The following DSG2 variants were observed in gnomAD, a reference collection of about 807,000 sequenced individuals.
The protein encoded by DSG2 is desmoglein-2.
Under a neutral mutation model 75.6 loss-of-function variants are expected in DSG2, and 45 were observed. That is an observed-to-expected ratio of 0.60 (90% CI 0.47 to 0.76). The LOEUF (loss-of-function observed/expected upper bound fraction) is 0.76. DSG2 is among the 30% of genes least tolerant of loss of function. DSG2 has a pLI of 0.00. For missense variants in DSG2, 1,267 were observed against 1,357.4 expected, an observed-to-expected ratio of 0.93 and a Z score of 1.05; for synonymous variants, 429 against 483.9, an observed-to-expected ratio of 0.89 and a Z score of 1.49.
At chr18:31,508,976 A>G (rs1349094026) in intron 1 of DSG2, among the ~76,000 whole-genome samples, 1 of 152,168 alleles carries the variant, frequency 6.6e-6, no homozygotes, top group Non-Finnish European at 1.5e-5. Context: ...TCTGTGTTTT[A>G]TCAAGGTGAT....
chr18:31,519,634 C>G (rs116554019), intron 2 of DSG2, among the ~76,000 whole-genome samples, 169 bp from the exon 3 acceptor site: 1 of 152,262 alleles, frequency 6.6e-6, no homozygotes, highest in African/African-American at 2.4e-5. Context: ...AGGCCCTATG[C>G]AGTTTGCTAG....
rs1258418780 is a variant in DSG2, at chr18:31,547,893, CTA to C, written c.*1152_*1153del. ...AATTCAGTGCAGCTACATTAACCAA[CTA>C]TGTTCTCTAGTTGAGAACAACTAGG... is the stretch of plus-strand genomic sequence containing the variant. On this transcript the variant is annotated 3_prime_UTR_variant, in exon 15 of 15. Coordinates refer to ENST00000261590, the MANE Select transcript of DSG2 (RefSeq NM_001943.5). The C allele has an allele frequency of 6.6e-6, 1 of 152,136 alleles. No individual in the cohort carries two copies. Among genetic ancestry groups the C allele is most frequent in the Non-Finnish European group, 1.5e-5 (1 of 68,034 alleles). 9.4% of individuals were successfully genotyped at this position (152,136 alleles called of 1,614,324 possible). A position where few individuals can be genotyped will look rare whatever the true frequency, so the allele number is the denominator to read the frequency against.
chr18:31,514,467 C>G (rs2073083094), intron 1 of DSG2, among the ~76,000 whole-genome samples: 1 of 152,096 alleles, frequency 6.6e-6, no homozygotes, highest in Non-Finnish European at 1.5e-5. Flanking sequence ...TGAGTTTCTG[C>G]CTTCGAGATA....
intron 13 of DSG2, 200 bp from the exon 14 acceptor site, chr18:31,542,320 A>C (rs2073273235): frequency 1.6e-6 from 1 of 632,346 alleles, no homozygotes. Context: ...GGTTCTATCC[A>C]CCTATAAAAC....
At chr18:31,536,919 T>C (rs574341644) in intron 11 of DSG2, among the ~76,000 whole-genome samples, 1 of 152,252 alleles carries the variant, frequency 6.6e-6, no homozygotes, top group East Asian at 1.9e-4. Context: ...ACCTAGAACA[T>C]GATAGAAACA....
At chr18:31,510,847 C>A (rs1405181679) in intron 1 of DSG2, among the ~76,000 whole-genome samples, 1 of 152,172 alleles carries the variant, frequency 6.6e-6, no homozygotes, top group Non-Finnish European at 1.5e-5. Context: ...TGACATTTTT[C>A]TGTCACCAAG....
intron 11 of DSG2, among the ~76,000 whole-genome samples, chr18:31,537,512 G>A (rs1006918339): frequency 2.0e-5 from 3 of 151,794 alleles, no homozygotes; most frequent in Non-Finnish European, 4.4e-5. Flanking sequence ...CCAGCTACTC[G>A]GGAGGCTGAG....
chr18:31,501,428 T>C (rs1282302200), intron 1 of DSG2, among the ~76,000 whole-genome samples: 5 of 152,212 alleles, frequency 3.3e-5, no homozygotes, highest in African/African-American at 1.2e-4. Context: ...AACGAAGTGC[T>C]AAAAACTGAG....
At chr18:31,520,737 G>A in intron 3 of DSG2, 66 bp from the exon 4 acceptor site, 1 of 1,526,800 alleles carries the variant, frequency 6.5e-7, no homozygotes, top group South Asian at 1.2e-5. Context: ...TAGGCTTTTG[G>A]CTAAGATCAA....
chr18:31,511,596 G>A (rs139980470), intron 1 of DSG2, among the ~76,000 whole-genome samples: 38 of 152,266 alleles, frequency 2.5e-4, no homozygotes, highest in African/African-American at 9.1e-4. Flanking sequence ...TACAATGAAT[G>A]AAGCAAATAT....
At chr18:31,503,183 C>T (rs2073022559) in intron 1 of DSG2, among the ~76,000 whole-genome samples, 1 of 152,192 alleles carries the variant, frequency 6.6e-6, no homozygotes, top group Non-Finnish European at 1.5e-5. Flanking sequence ...CAGACATGTT[C>T]TGCCCTCATG....
intron 1 of DSG2, among the ~76,000 whole-genome samples, chr18:31,503,437 C>T (rs113278675): frequency 6.6e-6 from 1 of 152,132 alleles, no homozygotes; most frequent in Non-Finnish European, 1.5e-5. Flanking sequence ...GTTCATGGTT[C>T]TGCAGAGGAA....
rs1034924625 is a variant in DSG2, at chr18:31,541,409, G to A, written c.2001+95G>A. 6 of 1,467,040 alleles carry A rather than the reference G, an allele frequency of 4.1e-6. No individual in the cohort carries two copies. The Admixed American group carries it at 1.1e-4, about 28-fold the overall frequency. 90.9% of individuals were successfully genotyped at this position (1,467,040 alleles called of 1,614,324 possible). On this transcript the variant is annotated intron_variant, in intron 13 of 14. Transcript: ENST00000261590. ...TTACATGTTTGGTTGAGTGAGTAAAGTGATCACTATGGATTTCACTCATGT... is the reference window on the plus strand; with the variant it reads ...TTACATGTTTGGTTGAGTGAGTAAAATGATCACTATGGATTTCACTCATGT...
At chr18:31,504,907 G>A (rs865963566) in intron 1 of DSG2, among the ~76,000 whole-genome samples, 1 of 152,084 alleles carries the variant, frequency 6.6e-6, no homozygotes, top group African/African-American at 2.4e-5. Flanking sequence ...AAGGATTTTT[G>A]TCCCCATAAA....
intron 1 of DSG2, among the ~76,000 whole-genome samples, chr18:31,516,936 C>T (rs2073097733): frequency 6.6e-6 from 1 of 152,152 alleles, no homozygotes; most frequent in Non-Finnish European, 1.5e-5. Context: ...AAATGGGTAG[C>T]CCTTAGCACA....
chr18:31,519,720 A>C, intron 2 of DSG2, 83 bp from the exon 3 acceptor site: 1 of 1,473,844 alleles, frequency 6.8e-7, no homozygotes. Context: ...CACTATTTAA[A>C]AGTTTATTAT....
intron 8 of DSG2, 70 bp downstream of exon 8, chr18:31,524,958 C>A (rs2073155137): frequency 7.0e-7 from 1 of 1,430,308 alleles, no homozygotes; most frequent in Non-Finnish European, 9.8e-7. Flanking sequence ...ATATTTTGAG[C>A]CCTGAACACT....
chr18:31,543,782 C>T (rs2073285688), intron 14 of DSG2, among the ~76,000 whole-genome samples: 1 of 150,358 alleles, frequency 6.7e-6, no homozygotes. Flanking sequence ...AGGGGGATCA[C>T]TTGAGCCTGG....
In DSG2 at chr18:31,498,294, C is replaced by T; in HGVS notation, c.43C>T (p.Leu15=). 4 of 1,263,774 alleles carry T rather than the reference C, an allele frequency of 3.2e-6. No homozygotes were observed. The highest frequency in any genetic ancestry group is 4.0e-6 in the Non-Finnish European group (4 of 998,784). The allele number at this position is 1,263,774 out of a possible 1,614,324, so 78.3% of individuals were successfully genotyped here. A position where few individuals can be genotyped will look rare whatever the true frequency, so the allele number is the denominator to read the frequency against. Residue 15 remains leucine (L), a splice_region_variant and synonymous_variant, in exon 1 of 15, where the codon CTG becomes TTG. Coordinates refer to ENST00000261590, the MANE Select transcript of DSG2 (RefSeq NM_001943.5). ...ACGCGCGTACGCCCTGCTGCTTCTCCTGGTAAGTGCCGCAAGCGGGACAGG... is the reference window on the plus strand; with the variant it reads ...ACGCGCGTACGCCCTGCTGCTTCTCTTGGTAAGTGCCGCAAGCGGGACAGG... The part of the protein sequence containing the change: ...PGRAYALLLL[L]ICFNVGSGLH...
Sources: allele counts gnomAD v4.1 joint callset (sites outside exome capture counted in the v4.1 genomes callset), GRCh38; gene constraint gnomAD v4.1.1; transcripts MANE v1.5; gene names NCBI Gene and HGNC (gene_info 2026-07-23, HGNC 2026-07-21).